Variants in CCDC91 observed in about 807,000 individuals in gnomAD.
CCDC91 encodes the protein coiled-coil domain containing 91.
In CCDC91, 48 loss-of-function variants were observed where a neutral mutation model predicts 63.2. That is an observed-to-expected ratio of 0.76 (90% CI 0.60 to 0.97). The LOEUF (loss-of-function observed/expected upper bound fraction) is 0.97, where lower values mean the gene tolerates loss of function less well. CCDC91 is among the 50% of genes least tolerant of loss of function. The pLI, the probability that CCDC91 is intolerant of heterozygous loss-of-function variation, is 0.00. For synonymous variants in CCDC91, 167 were observed against 165.8 expected (o/e 1.01, Z -0.06); for missense variants, 500 against 494.6 (o/e 1.01, Z -0.10).
chr12:28,198,308 C>T (rs10843125), intron 1 of CCDC91, among the ~76,000 whole-genome samples: 39,718 of 152,102 alleles, frequency 0.26, 5,465 homozygotes, highest in Non-Finnish European at 0.31. Context: ...CAGTGTTATG[C>T]AAGATCCATT....
chr12:28,198,226 A>AT (rs1941932956), intron 1 of CCDC91, among the ~76,000 whole-genome samples: 1 of 152,184 alleles, frequency 6.6e-6, no homozygotes, highest in Non-Finnish European at 1.5e-5. Flanking sequence ...CTACATAGTC[A>AT]TTTTAAAAAG....
chr12:28,285,765 G>A (rs2136668597), intron 3 of CCDC91, among the ~76,000 whole-genome samples: 1 of 151,354 alleles, frequency 6.6e-6, no homozygotes, highest in Admixed American at 6.6e-5. Flanking sequence ...ATATTAACTG[G>A]ATAAATTAAT....
intron 7 of CCDC91, among the ~76,000 whole-genome samples, chr12:28,379,182 G>C (rs1945129035): frequency 6.6e-6 from 1 of 151,736 alleles, no homozygotes; most frequent in South Asian, 2.1e-4. Context: ...AAGATGTGTA[G>C]AGTTTACATA....
At chr12:28,231,070 A>G (rs910244722) in intron 1 of CCDC91, among the ~76,000 whole-genome samples, 1 of 152,174 alleles carries the variant, frequency 6.6e-6, no homozygotes. Flanking sequence ...ACACTATACT[A>G]GAGGCTCTAA....
chr12:28,485,598 A>G (rs1951684566), intron 12 of CCDC91, among the ~76,000 whole-genome samples: 1 of 152,154 alleles, frequency 6.6e-6, no homozygotes, highest in African/African-American at 2.4e-5. Context: ...GTCTTTCCAG[A>G]TAAATTAACC....
intron 8 of CCDC91, among the ~76,000 whole-genome samples, chr12:28,441,479 T>C (rs1949205980): frequency 6.6e-6 from 1 of 152,040 alleles, no homozygotes; most frequent in African/African-American, 2.4e-5. Flanking sequence ...AAACAAATTA[T>C]GGTATATTTA....
At chr12:28,508,822 T>C (rs934699707) in intron 12 of CCDC91, among the ~76,000 whole-genome samples, 6 of 151,986 alleles carry the variant, frequency 3.9e-5, no homozygotes, top group Admixed American at 3.9e-4. Context: ...GCCACTCTTA[T>C]TTCTACCCCT....
chr12:28,530,145 T>C (rs1941612666), intron 12 of CCDC91, among the ~76,000 whole-genome samples: 1 of 152,210 alleles, frequency 6.6e-6, no homozygotes, highest in African/African-American at 2.4e-5. Flanking sequence ...TATGCCTGTA[T>C]CAACAAACTG....
intron 3 of CCDC91, 83 bp from the exon 4 acceptor site, chr12:28,305,566 C>G: frequency 8.6e-7 from 1 of 1,161,738 alleles, no homozygotes; most frequent in African/African-American, 1.6e-5. Flanking sequence ...TCTATTTCAG[C>G]TCTCTTTCTT....
At chr12:28,238,111 A>C (rs1945085583) in intron 1 of CCDC91, among the ~76,000 whole-genome samples, 1 of 152,184 alleles carries the variant, frequency 6.6e-6, no homozygotes, top group Admixed American at 6.5e-5. Context: ...ATTTGTATGA[A>C]ACTTAACACA....
intron 12 of CCDC91, among the ~76,000 whole-genome samples, chr12:28,504,744 T>C (rs1938490055): frequency 6.6e-6 from 1 of 151,962 alleles, no homozygotes; most frequent in Non-Finnish European, 1.5e-5. Context: ...GGCATGCTTA[T>C]GTCACTTAAA....
At chr12:28,395,028 TGTA>T (rs1946204575) in intron 8 of CCDC91, among the ~76,000 whole-genome samples, 1 of 152,204 alleles carries the variant, frequency 6.6e-6, no homozygotes, top group Non-Finnish European at 1.5e-5. Flanking sequence ...TAAGACTGTT[TGTA>T]TAGCTAGTAT....
At chr12:28,323,681 A>G (rs190644040) in intron 6 of CCDC91, among the ~76,000 whole-genome samples, 130 of 152,080 alleles carry the variant, frequency 8.5e-4, no homozygotes, top group African/African-American at 3.0e-3. Context: ...TCTTAGATGT[A>G]TAGATGCAAA....
At chr12:28,545,099 C>T (rs11049709) in intron 12 of CCDC91, among the ~76,000 whole-genome samples, 31,185 of 151,848 alleles carry the variant, frequency 0.21, 4,198 homozygotes, top group Non-Finnish European at 0.3. Flanking sequence ...GAAAACAAAT[C>T]GGTTAGAGCT....
At chr12:28,207,425 C>A (rs117545553) in intron 1 of CCDC91, among the ~76,000 whole-genome samples, 315 of 152,198 alleles carry the variant, frequency 2.1e-3, no homozygotes, top group South Asian at 5.8e-3. Flanking sequence ...TCAGAAGATC[C>A]AGTCTTTGGA....
At chr12:28,470,084 G>A (rs1950738451) in intron 11 of CCDC91, among the ~76,000 whole-genome samples, 1 of 151,958 alleles carries the variant, frequency 6.6e-6, no homozygotes, top group Non-Finnish European at 1.5e-5. Context: ...TGGACAAATG[G>A]GATCACATCA....
intron 7 of CCDC91, among the ~76,000 whole-genome samples, chr12:28,386,969 G>A (rs1483589337): frequency 6.6e-6 from 1 of 152,016 alleles, no homozygotes. Flanking sequence ...AGAAGCTCAA[G>A]GAAGCCTCTT....
Position 28,491,199 on chromosome 12 carries a change from A to G in CCDC91, c.1215+7034A>G, listed in dbSNP as rs1353800807. On this transcript the variant is annotated intron_variant, in intron 12 of 12. Transcript: ENST00000536442. Reference sequence around the variant, plus strand: ...TTATCTCTTTTTATGTAATGATTCAAAATTGTTCATCTAAGTAATCACTTC... The same window carrying G: ...TTATCTCTTTTTATGTAATGATTCAGAATTGTTCATCTAAGTAATCACTTC... Among the ~76,000 whole-genome samples the G allele has an allele frequency of 3.3e-5, 5 of 151,658 alleles. No homozygotes were observed. In the South Asian group the frequency reaches 8.3e-4, roughly 25 times the overall value.
chr12:28,240,639 C>CT (rs147267552), intron 1 of CCDC91, among the ~76,000 whole-genome samples: 33 of 147,230 alleles, frequency 2.2e-4, no homozygotes, highest in South Asian at 6.5e-4. Context: ...TTGGGATTGG[C>CT]TTTTTTTTTT....
Sources: gnomAD v4.1 joint callset for allele counts (sites outside exome capture counted in the v4.1 genomes callset) on GRCh38, gnomAD v4.1.1 for gene constraint, MANE v1.5 for transcripts, NCBI Gene and HGNC (gene_info 2026-07-23, HGNC 2026-07-21) for gene names.